The following ZNF433 variants were observed in gnomAD, a reference collection of about 807,000 sequenced individuals.
ZNF433 encodes zinc finger protein 433.
Under a neutral mutation model 10.6 loss-of-function variants are expected in ZNF433, and 12 were observed. That is an observed-to-expected ratio of 1.13 (90% CI 0.72 to 1.83). The LOEUF (loss-of-function observed/expected upper bound fraction) is 1.83. Among genes scored for constraint, ZNF433 ranks in the 40% most tolerant of loss-of-function variants. The pLI is 0.00. For synonymous variants in ZNF433, 272 were observed against 271.3 expected (o/e 1.00, Z -0.02); for missense variants, 737 against 798.0 (o/e 0.92, Z 0.92).
chr19:12,033,576 A>G (rs1975133788), intron 1 of ZNF433, among the ~76,000 whole-genome samples: 1 of 151,848 alleles, frequency 6.6e-6, no homozygotes, highest in Non-Finnish European at 1.5e-5. Context: ...TAATCCCAGC[A>G]CTTTGGGAGG....
chr19:12,033,779 G>A (rs1438112800), intron 1 of ZNF433, among the ~76,000 whole-genome samples: 3 of 152,080 alleles, frequency 2.0e-5, no homozygotes, highest in South Asian at 2.1e-4. Context: ...TAGAGATCGC[G>A]CCACTGCACT....
intron 1 of ZNF433, among the ~76,000 whole-genome samples, chr19:12,032,026 C>A (rs934028614): frequency 1.3e-5 from 2 of 150,532 alleles, no homozygotes; most frequent in African/African-American, 4.9e-5. Context: ...GCAACCTCTG[C>A]CTCCCAGGTT....
Position 12,026,761 on chromosome 19 carries a change from C to A in ZNF433, c.4-8469G>T, listed in dbSNP as rs572549206. The A allele has an allele frequency of 4.7e-4, 214 of 454,132 alleles. 1 individual carries two copies. The highest frequency in any genetic ancestry group is 4.0e-3 in the African/African-American group (199 of 50,132). The allele number at this position is 454,132 out of a possible 1,614,324, so 28.1% of individuals were successfully genotyped here. A position where few individuals can be genotyped will look rare whatever the true frequency, so the allele number is the denominator to read the frequency against. On this transcript the variant is annotated intron_variant, in intron 1 of 3. Transcript: ENST00000550507. ...TGCTGCACAACGATTCCTATGGAGT[C>A]ATTATTGATTGTTCCCCTAAGGGGA... is the stretch of plus-strand genomic sequence containing the variant.
At chr19:12,020,722 G>C (rs1974445758) in intron 1 of ZNF433, among the ~76,000 whole-genome samples, 1 of 151,960 alleles carries the variant, frequency 6.6e-6, no homozygotes. Context: ...TTCGAGACCA[G>C]ACTGATTAAC....
rs762127379 is a variant in ZNF433 at position 12,016,566 on chromosome 19, C to G, written c.292G>C (p.Val98Leu). Residue 98 changes from valine (V) to leucine (L), a missense_variant, in exon 4 of 4, where the codon GTA becomes CTA. By Grantham distance (32) the Val-to-Leu change is conservative. Coordinates refer to ENST00000550507, the MANE Select transcript of ZNF433 (RefSeq NM_001308348.2). ...TACACACTGCTTTCGCATGATTTTA[C>G]TCCAGTAGTTGTTTTCTTCAGCATG... ...DDMLKKTTTGVKSCESSVYGE... is the reference protein window; with the variant it reads ...DDMLKKTTTGLKSCESSVYGE... 1 of 1,614,024 alleles carries G rather than the reference C, an allele frequency of 6.2e-7. No individual in the cohort carries two copies. Among genetic ancestry groups the G allele is most frequent in the Non-Finnish European group, 8.5e-7 (1 of 1,180,038 alleles).
chr19:12,014,997 C>T lies in ZNF433; in HGVS notation c.1861G>A (p.Gly621Arg). ...TTTGAGGGACATCCAAAAGCTTTCC[C>T]ACATTGCTTACATTTATACGGTTTC... ...GEKPYKCKQC[G>R]KAFGCPSNLR... Residue 621 changes from glycine (G) to arginine (R), a missense_variant, in exon 4 of 4, where the codon GGG becomes AGG. Coordinates refer to ENST00000550507, the MANE Select transcript of ZNF433 (RefSeq NM_001308348.2). The T allele has an allele frequency of 6.2e-7, 1 of 1,613,980 alleles. No individual in the cohort carries two copies. The highest frequency in any genetic ancestry group is 1.1e-5 in the South Asian group (1 of 91,066).
intron 1 of ZNF433, among the ~76,000 whole-genome samples, chr19:12,035,119 CTATAAT>C (rs1975221020): frequency 6.6e-6 from 1 of 152,174 alleles, no homozygotes; most frequent in African/African-American, 2.4e-5. Context: ...AGAAGCAAAA[CTATAAT>C]TGTTAACGTG....
chr19:12,025,591 G>A (rs899116214), intron 1 of ZNF433: 8 of 152,346 alleles, frequency 5.3e-5, no homozygotes, highest in African/African-American at 1.7e-4. Flanking sequence ...TTTATAGGAG[G>A]AGTTAATCCT....
In ZNF433 at chr19:12,016,236, T is replaced by G; in HGVS notation, c.622A>C (p.Ser208Arg). 1 of 1,614,200 alleles carries G rather than the reference T, an allele frequency of 6.2e-7. No individual in the cohort carries two copies. The highest frequency in any genetic ancestry group is 8.5e-7 in the Non-Finnish European group (1 of 1,180,036). Residue 208 changes from serine (S) to arginine (R), a missense_variant, in exon 4 of 4, where the codon AGT becomes CGT. By Grantham distance (110) the Ser-to-Arg change is moderately radical (BLOSUM62 -1). Transcript: ENST00000550507. ...GTTCGTTTGTGGATAAGATACAAACTGAGAAACATCAAGGCTTTCCCACAA... is the reference window on the plus strand; with the variant it reads ...GTTCGTTTGTGGATAAGATACAAACGGAGAAACATCAAGGCTTTCCCACAA... Reference protein sequence around the residue: ...KFCGKALMFLSLYLIHKRTHT... With the variant: ...KFCGKALMFLRLYLIHKRTHT...
Position 12,015,480 on chromosome 19 carries a change from A to T in ZNF433, c.1378T>A (p.Ser460Thr), listed in dbSNP as rs1974127191. Reference sequence around the variant, plus strand: ...ATCCTTTCATGTATTTGAAAGAAAGAGAAATTACTAAATGGTTTTCCACAT... The same window carrying T: ...ATCCTTTCATGTATTTGAAAGAAAGTGAAATTACTAAATGGTTTTCCACAT... ...KECGKPFSNFSFFQIHERMHR... is the reference protein window; with the variant it reads ...KECGKPFSNFTFFQIHERMHR... Residue 460 changes from serine to threonine, a missense_variant, in exon 4 of 4, where the codon TCT becomes ACT. Physicochemically the swap from Ser to Thr is moderately conservative, Grantham distance 58. Transcript: ENST00000550507. 1 of 1,613,772 alleles carries T rather than the reference A, an allele frequency of 6.2e-7. No homozygotes were observed. Among genetic ancestry groups the T allele is most frequent in the Admixed American group, 1.7e-5 (1 of 59,968 alleles).
chr19:12,026,003 A>G (rs976761337), intron 1 of ZNF433: 7 of 152,426 alleles, frequency 4.6e-5, no homozygotes, highest in African/African-American at 1.4e-4. Flanking sequence ...AACTGAATCT[A>G]GAATTATTGA....
chr19:12,035,334 G>A (rs1446521114), intron 1 of ZNF433, among the ~76,000 whole-genome samples: 1 of 152,198 alleles, frequency 6.6e-6, no homozygotes, highest in African/African-American at 2.4e-5. Flanking sequence ...TCACCGCGCA[G>A]GGACAGGACG....
intron 1 of ZNF433, among the ~76,000 whole-genome samples, chr19:12,029,943 A>G (rs1974928079): frequency 6.6e-6 from 1 of 151,662 alleles, no homozygotes; most frequent in South Asian, 2.1e-4. Context: ...TTAGCTGGGC[A>G]CGGTAGCAGG....
chr19:12,015,824 G>T lies in ZNF433; in HGVS notation c.1034C>A (p.Ser345Tyr). ...YECKHCGKVLSYLTSFQNHLG... is the reference protein window; with the variant it reads ...YECKHCGKVLYYLTSFQNHLG... ...GTGGTTTTGAAAGCTGGTAAGATAAGATAATACTTTCCCACAATGTTTACA... is the reference window on the plus strand; with the variant it reads ...GTGGTTTTGAAAGCTGGTAAGATAATATAATACTTTCCCACAATGTTTACA... The change falls in exon 4 of 4, where the codon TCT becomes TAT. Residue 345 changes from serine to tyrosine, a missense_variant. Ser to Tyr is a moderately radical substitution (Grantham distance 144). Coordinates refer to ENST00000550507, the MANE Select transcript of ZNF433 (RefSeq NM_001308348.2). 1 of 1,614,056 alleles carries T rather than the reference G, an allele frequency of 6.2e-7. No homozygotes were observed. Among genetic ancestry groups the T allele is most frequent in the Non-Finnish European group, 8.5e-7 (1 of 1,180,010 alleles).
intron 1 of ZNF433, among the ~76,000 whole-genome samples, chr19:12,031,731 CA>C (rs1436800562): frequency 6.6e-6 from 1 of 151,930 alleles, no homozygotes; most frequent in Admixed American, 6.6e-5. Flanking sequence ...CTCATCCCTA[CA>C]AAAAATAACT....
Position 12,035,645 on chromosome 19 carries a change from C to A in ZNF433, c.-106G>T. The A allele has an allele frequency of 2.0e-6, 3 of 1,466,712 alleles. No homozygotes were observed. Among genetic ancestry groups the A allele is most frequent in the South Asian group, 2.5e-5 (2 of 79,996 alleles). 90.9% of individuals were successfully genotyped at this position (1,466,712 alleles called of 1,614,324 possible). A position where few individuals can be genotyped will look rare whatever the true frequency, so the allele number is the denominator to read the frequency against. The stretch of plus-strand genomic sequence containing the variant: ...CTCTCGGAGGGGAAAGCCAGGCTCC[C>A]AACCTCAGCTCGCCGCCTGGAGCCG... On this transcript the variant is annotated 5_prime_UTR_variant, in exon 1 of 4. Transcript: ENST00000550507.
At position 12,026,090 on chromosome 19, in the gene ZNF433, G is replaced by A. The variant is rs141290229; in HGVS notation, c.4-7798C>T. On this transcript the variant is annotated intron_variant, in intron 1 of 3. Coordinates refer to ENST00000550507, the MANE Select transcript of ZNF433 (RefSeq NM_001308348.2). Reference sequence around the variant, plus strand: ...AATATCTACAGAAACCAGCTGCAAAGACAGAAGCAGAACAACTGGTTTGGT... The same window carrying A: ...AATATCTACAGAAACCAGCTGCAAAAACAGAAGCAGAACAACTGGTTTGGT... The A allele has an allele frequency of 6.6e-3, 1,007 of 153,172 alleles. 6 individuals are homozygous for A. The highest frequency in any genetic ancestry group is 0.011 in the Non-Finnish European group (752 of 68,582). The allele number at this position is 153,172 out of a possible 1,614,324, so 9.5% of individuals were successfully genotyped here. A position where few individuals can be genotyped will look rare whatever the true frequency, so the allele number is the denominator to read the frequency against.
intron 1 of ZNF433, among the ~76,000 whole-genome samples, chr19:12,033,403 T>G (rs544730726): frequency 6.6e-6 from 1 of 152,282 alleles, no homozygotes; most frequent in Non-Finnish European, 1.5e-5. Context: ...GGCCAGTGCA[T>G]TTTCATTTAC....
chr19:12,024,798 C>G (rs1974659741), intron 1 of ZNF433: 1 of 152,222 alleles, frequency 6.6e-6, no homozygotes, highest in East Asian at 1.9e-4. Flanking sequence ...ACTCTTAACT[C>G]CTTATCTGGA....
Sources: gnomAD v4.1 joint callset for allele counts (sites outside exome capture counted in the v4.1 genomes callset) on GRCh38, gnomAD v4.1.1 for gene constraint, MANE v1.5 for transcripts, NCBI Gene and HGNC (gene_info 2026-07-23, HGNC 2026-07-21) for gene names.